Variants in GREB1 observed in about 807,000 individuals in gnomAD.
GREB1 encodes the protein protein GREB1.
In GREB1, 106 loss-of-function variants were observed where a neutral mutation model predicts 200.7. That is an observed-to-expected ratio of 0.53 (90% CI 0.45 to 0.62). The LOEUF (loss-of-function observed/expected upper bound fraction) is 0.62, where lower values mean the gene tolerates loss of function less well. Ranked by LOEUF, GREB1 falls within the 20% of genes least tolerant of loss-of-function variation. The pLI, the probability that GREB1 is intolerant of heterozygous loss-of-function variation, is 0.00. For missense variants in GREB1, 2,243 were observed against 2,556.8 expected, an observed-to-expected ratio of 0.88 and a Z score of 2.65; for synonymous variants, 1,132 against 1,092.4, an observed-to-expected ratio of 1.04 and a Z score of -0.72.
rs1243015654 is a variant in GREB1 at position 11,587,733 on chromosome 2, A to G, written c.1160-1013A>G. 136 of 1,174,970 alleles carry G rather than the reference A, an allele frequency of 1.2e-4. 2 individuals carry two copies. In the African/African-American group the frequency reaches 2.1e-3, roughly 19 times the overall value. 72.8% of individuals were successfully genotyped at this position (1,174,970 alleles called of 1,614,324 possible). ...CACACACACACACACACACACACAC[A>G]CACACACACGCCACCTTTGGGAGCT... On this transcript the variant is annotated intron_variant, in intron 9 of 32. Coordinates refer to ENST00000381486, the MANE Select transcript of GREB1 (RefSeq NM_014668.4).
chr2:11,608,586 C>T (rs1158066773), intron 17 of GREB1, among the ~76,000 whole-genome samples: 1 of 152,174 alleles, frequency 6.6e-6, no homozygotes, highest in East Asian at 1.9e-4. Context: ...TGGTTTTAAA[C>T]TTTGTTAGTC....
At chr2:11,550,187 A>G (rs1476783984) in intron 1 of GREB1, among the ~76,000 whole-genome samples, 11 of 152,210 alleles carry the variant, frequency 7.2e-5, no homozygotes, top group Non-Finnish European at 1.6e-4. Context: ...ATTGCACTCC[A>G]GTCTGGGAAA....
At chr2:11,590,905 G>T (rs553733076) in intron 10 of GREB1, among the ~76,000 whole-genome samples, 3 of 152,356 alleles carry the variant, frequency 2.0e-5, no homozygotes, top group African/African-American at 4.8e-5. Flanking sequence ...AACTGTGCCA[G>T]TGTGGCCGGG....
At chr2:11,582,992 G>A (rs1679670421) in intron 7 of GREB1, among the ~76,000 whole-genome samples, 1 of 152,042 alleles carries the variant, frequency 6.6e-6, no homozygotes, top group East Asian at 1.9e-4. Flanking sequence ...GAGCGGGCAG[G>A]ATGCACAATG....
intron 22 of GREB1, among the ~76,000 whole-genome samples, chr2:11,620,272 C>G (rs1005587706): frequency 1.3e-5 from 2 of 152,146 alleles, no homozygotes; most frequent in East Asian, 3.9e-4. Context: ...AGGAAACCCA[C>G]GCCTGTAGTG....
Position 11,547,328 on chromosome 2 carries a change from T to A in GREB1, c.-161-9126T>A, listed in dbSNP as rs138543489. ...TTAATTCCAGACCAGGCACTAGCTGTGTGTCTTCAGACAGGTCCAACCTTT... is the reference window on the plus strand; with the variant it reads ...TTAATTCCAGACCAGGCACTAGCTGAGTGTCTTCAGACAGGTCCAACCTTT... On this transcript the variant is annotated intron_variant, in intron 1 of 32. Coordinates refer to ENST00000381486, the MANE Select transcript of GREB1 (RefSeq NM_014668.4). Among the ~76,000 whole-genome samples the A allele has an allele frequency of 2.9e-3, 448 of 152,360 alleles. 4 individuals are homozygous for A. Among genetic ancestry groups the A allele is most frequent in the African/African-American group, 0.01 (426 of 41,584 alleles).
chr2:11,618,829 C>T lies in GREB1; in HGVS notation c.3954C>T (p.Pro1318=), dbSNP rs1404378287. Residue 1318 remains proline (P), a synonymous_variant, in exon 22 of 33, where the codon CCC becomes CCT. Coordinates refer to ENST00000381486, the MANE Select transcript of GREB1 (RefSeq NM_014668.4). The part of the protein sequence containing the change: ...QSLYYRQWTV[P]RPSHMDYGNR... ...TCTACTACCGGCAGTGGACGGTGCC[C>T]CGGCCCAGCCACATGGACTACGGCA... 4 of 1,604,426 alleles carry T rather than the reference C, an allele frequency of 2.5e-6. No homozygotes were observed. In the African/African-American group the frequency reaches 5.3e-5, roughly 21 times the overall value.
chr2:11,619,335 T>G (rs558256318), intron 22 of GREB1, among the ~76,000 whole-genome samples: 2 of 152,296 alleles, frequency 1.3e-5, no homozygotes, highest in African/African-American at 4.8e-5. Flanking sequence ...GCATGGTGTT[T>G]CCTTAACAAC....
intron 26 of GREB1, among the ~76,000 whole-genome samples, chr2:11,631,460 CTA>C (rs951769998): frequency 1.1e-4 from 17 of 152,342 alleles, no homozygotes; most frequent in African/African-American, 3.8e-4. Flanking sequence ...CGTTGCCTAA[CTA>C]TTCCCAAATA....
chr2:11,618,247 TA>T (rs1683658110), intron 21 of GREB1, 40 bp from the exon 22 acceptor site: 1 of 1,508,834 alleles, frequency 6.6e-7, no homozygotes, highest in African/African-American at 1.4e-5. Context: ...CTGGGACAGG[TA>T]CCTTCTAGGA....
upstream of GREB1, among the ~76,000 whole-genome samples, chr2:11,532,126 A>G (rs567778626): frequency 1.3e-5 from 2 of 152,298 alleles, no homozygotes; most frequent in African/African-American, 4.8e-5. Context: ...GGAAATGTTC[A>G]TTTATTCCTG....
chr2:11,574,688 T>C (rs1214763432), intron 4 of GREB1, among the ~76,000 whole-genome samples: 1 of 152,224 alleles, frequency 6.6e-6, no homozygotes, highest in African/African-American at 2.4e-5. Flanking sequence ...TTTGAACAAT[T>C]GGCCTCTCTG....
chr2:11,547,162 C>T (rs1156719250), intron 1 of GREB1, among the ~76,000 whole-genome samples: 2 of 152,124 alleles, frequency 1.3e-5, no homozygotes, highest in Non-Finnish European at 2.9e-5. Flanking sequence ...AGGGCGATGT[C>T]GAACTCCTGA....
chr2:11,605,369 G>T (rs1273137110), intron 17 of GREB1, among the ~76,000 whole-genome samples: 2 of 151,662 alleles, frequency 1.3e-5, no homozygotes, highest in African/African-American at 4.8e-5. Context: ...GGAATTACAG[G>T]CGCTTGCCAC....
chr2:11,599,800 G>A (rs575834239), intron 15 of GREB1, among the ~76,000 whole-genome samples: 9 of 152,138 alleles, frequency 5.9e-5, no homozygotes, highest in South Asian at 4.1e-4. Flanking sequence ...GATTACAGGC[G>A]TGAGCCACCG....
intron 30 of GREB1, 85 bp from the exon 31 acceptor site, chr2:11,637,631 T>C (rs3749064): frequency 0.26 from 322,712 of 1,229,532 alleles, 44,221 homozygotes; most frequent in East Asian, 0.39. Context: ...GCTCCCATGC[T>C]TGGGCCACCC....
Position 11,627,037 on chromosome 2 carries a change from C to T in GREB1, c.4382C>T (p.Ala1461Val). The T allele has an allele frequency of 1.9e-6, 3 of 1,613,952 alleles. No individual in the cohort carries two copies. Among genetic ancestry groups the T allele is most frequent in the Non-Finnish European group, 2.5e-6 (3 of 1,179,848 alleles). The change falls in exon 25 of 33, where the codon GCA becomes GTA. Residue 1461 changes from alanine (A) to valine (V), a missense_variant. Around this residue, in one of 3 missense-constraint regions of GREB1, gnomAD observed 587 missense variants for 553.1 expected, o/e 1.06. Coordinates refer to ENST00000381486, the MANE Select transcript of GREB1 (RefSeq NM_014668.4). ...QTARMRLSKY[A>V]AYNTYHHCEQ... ...GCACGGATGAGACTGTCCAAGTACG[C>T]AGCGTACAACACTTACCACCACTGT...
At position 11,641,469 on chromosome 2, in the gene GREB1, T is replaced by TTTTG. The variant is rs1317947157; in HGVS notation, c.*1019_*1022dup. 4.0e-5 allele frequency: 6 copies of TTTTG among 151,016 alleles called. No individual in the cohort carries two copies. Among genetic ancestry groups the TTTTG allele is most frequent in the Non-Finnish European group, 8.8e-5 (6 of 67,946 alleles). 9.4% of individuals were successfully genotyped at this position (151,016 alleles called of 1,614,324 possible). The stretch of plus-strand genomic sequence containing the variant: ...ACCCCTTCACAGACTGACAGAATGG[T>TTTTG]TTTGTTTTGTTTTGTTTTGTTTTGT... On this transcript the variant is annotated 3_prime_UTR_variant, in exon 33 of 33. Coordinates refer to ENST00000381486, the MANE Select transcript of GREB1 (RefSeq NM_014668.4).
intron 4 of GREB1, among the ~76,000 whole-genome samples, chr2:11,572,713 G>C (rs1207090668): frequency 6.6e-6 from 1 of 151,718 alleles, no homozygotes; most frequent in African/African-American, 2.4e-5. Flanking sequence ...AGGAAGGAGG[G>C]ATGCTTGCAG....
Sources: allele counts gnomAD v4.1 joint callset (sites outside exome capture counted in the v4.1 genomes callset), GRCh38; gene constraint gnomAD v4.1.1; regional missense constraint gnomAD v4.1.1; transcripts MANE v1.5; gene names NCBI Gene and HGNC (gene_info 2026-07-23, HGNC 2026-07-21).